Variants in AMPH observed in about 807,000 individuals in gnomAD.
AMPH encodes amphiphysin, also known as amphiphysin (Stiff-Mann syndrome with breast cancer 128kD autoantigen).
In AMPH, 49 loss-of-function variants were observed where a neutral mutation model predicts 99.1. The observed-to-expected ratio is 0.49, with a 90% CI of 0.39 to 0.63. The LOEUF (loss-of-function observed/expected upper bound fraction) is 0.63, where lower values mean the gene tolerates loss of function less well. Among genes scored for constraint, AMPH ranks in the 20% least tolerant of loss-of-function variants. The probability of loss-of-function intolerance (pLI) is 0.00; values close to 1 mark genes in which losing one functional copy is unlikely to be tolerated. For missense variants in AMPH, 759 were observed against 863.4 expected (o/e 0.88, Z 1.52); for synonymous variants, 314 against 317.3 (o/e 0.99, Z 0.11).
At chr7:38,612,286 G>A (rs1793714674) in intron 1 of AMPH, among the ~76,000 whole-genome samples, 2 of 152,026 alleles carry the variant, frequency 1.3e-5, no homozygotes, top group South Asian at 4.2e-4. Context: ...ATGTTGGTCA[G>A]GCTGGTCTTG....
intron 1 of AMPH, among the ~76,000 whole-genome samples, chr7:38,588,878 T>C (rs1292013511): frequency 2.0e-5 from 3 of 152,176 alleles, no homozygotes; most frequent in African/African-American, 4.8e-5. Context: ...TAAAAATTAA[T>C]TGAATACTTA....
rs1482639915 is a variant in AMPH, at chr7:38,469,143, G to T, written c.591-2895C>A. 3.0e-3 allele frequency among the ~76,000 whole-genome samples: 138 copies of T among 46,506 alleles called. 14 individuals carry two copies. The highest frequency in any genetic ancestry group is 0.016 in the African/African-American group (137 of 8,818). 30.5% of individuals were successfully genotyped at this position (46,506 alleles called of 152,430 possible). A position where few individuals can be genotyped will look rare whatever the true frequency, so the allele number is the denominator to read the frequency against. Reference sequence around the variant, plus strand: ...CACTCCAGCCTGGGCGACAGAGCGAGACTCCGCCTCAAAAAAAAAAAAAAA... The same window carrying T: ...CACTCCAGCCTGGGCGACAGAGCGATACTCCGCCTCAAAAAAAAAAAAAAA... On this transcript the variant is annotated intron_variant, in intron 7 of 20. Coordinates refer to ENST00000356264, the MANE Select transcript of AMPH (RefSeq NM_001635.4).
chr7:38,479,321 C>A lies in AMPH; in HGVS notation c.397-2352G>T, dbSNP rs376409127. On this transcript the variant is annotated intron_variant, in intron 5 of 20. Transcript: ENST00000356264. ...ATAAAAGTTAAAAGAAATCTGCCAA[C>A]TCAGAATTCCACACCCAATGAAAAT... Among the ~76,000 whole-genome samples the A allele has an allele frequency of 8.0e-5, 12 of 150,680 alleles. No individual in the cohort carries two copies. In the East Asian group the frequency reaches 1.8e-3, roughly 22 times the overall value.
chr7:38,462,905 A>T lies in AMPH; in HGVS notation c.888+70T>A, dbSNP rs940300549. On this transcript the variant is annotated intron_variant, in intron 10 of 20. Coordinates refer to ENST00000356264, the MANE Select transcript of AMPH (RefSeq NM_001635.4). Reference sequence around the variant, plus strand: ...TCTCTTAAAGCCCCGGCACCGTGGGATTATCCTAGATGGGGCCACCTTCAT... The same window carrying T: ...TCTCTTAAAGCCCCGGCACCGTGGGTTTATCCTAGATGGGGCCACCTTCAT... 5 of 1,456,996 alleles carry T rather than the reference A, an allele frequency of 3.4e-6. No homozygotes were observed. The Middle Eastern group carries it at 7.9e-4, about 229-fold the overall frequency. The allele number at this position is 1,456,996 out of a possible 1,614,324, so 90.3% of individuals were successfully genotyped here. A position where few individuals can be genotyped will look rare whatever the true frequency, so the allele number is the denominator to read the frequency against.
intron 6 of AMPH, 65 bp from the exon 7 acceptor site, chr7:38,475,481 T>A: frequency 9.3e-7 from 1 of 1,069,914 alleles, no homozygotes; most frequent in Non-Finnish European, 1.4e-6. Flanking sequence ...ACAGCATCAT[T>A]TAATGTAAAA....
intron 2 of AMPH, among the ~76,000 whole-genome samples, chr7:38,517,776 T>A (rs113641469): frequency 6.6e-6 from 1 of 152,152 alleles, no homozygotes; most frequent in Non-Finnish European, 1.5e-5. Context: ...AGCCTGACTA[T>A]GTAAAGAATA....
At chr7:38,610,425 G>A (rs1793642787) in intron 1 of AMPH, among the ~76,000 whole-genome samples, 1 of 149,506 alleles carries the variant, frequency 6.7e-6, no homozygotes, top group African/African-American at 2.5e-5. Context: ...GAAACTCAGT[G>A]AGTTACAGAA....
chr7:38,566,738 A>T (rs1791759197), intron 1 of AMPH, among the ~76,000 whole-genome samples: 1 of 152,228 alleles, frequency 6.6e-6, no homozygotes, highest in African/African-American at 2.4e-5. Context: ...GGATATGAAC[A>T]GACACTTCTC....
chr7:38,428,911 C>T (rs910635647), intron 14 of AMPH: 21 of 900,612 alleles, frequency 2.3e-5, no homozygotes, highest in Non-Finnish European at 3.2e-5. Flanking sequence ...CTAGTTTCCA[C>T]TTCATTAATT....
At chr7:38,452,299 A>T (rs575940124) in intron 11 of AMPH, among the ~76,000 whole-genome samples, 1 of 152,260 alleles carries the variant, frequency 6.6e-6, no homozygotes, top group Non-Finnish European at 1.5e-5. Flanking sequence ...TAGACGGATC[A>T]TCCTATATTG....
chr7:38,410,632 G>A (rs1260892140), intron 17 of AMPH, among the ~76,000 whole-genome samples: 1 of 152,202 alleles, frequency 6.6e-6, no homozygotes, highest in Non-Finnish European at 1.5e-5. Context: ...TTTTGGGGGA[G>A]CAGGAAGAGG....
rs368293798 is a variant in AMPH, at chr7:38,384,805, A to T, written c.*13T>A. On this transcript the variant is annotated 3_prime_UTR_variant, in exon 21 of 21. Coordinates refer to ENST00000356264, the MANE Select transcript of AMPH (RefSeq NM_001635.4). Reference sequence around the variant, plus strand: ...ACCCCGTAACTGAGCTCCTTCTTGCAGTACTTGTTGCCCTAATCTAAGCGT... The same window carrying T: ...ACCCCGTAACTGAGCTCCTTCTTGCTGTACTTGTTGCCCTAATCTAAGCGT... 4 of 1,608,836 alleles carry T rather than the reference A, an allele frequency of 2.5e-6. No individual in the cohort carries two copies.
chr7:38,471,849 CA>C (rs1412445418), intron 7 of AMPH, among the ~76,000 whole-genome samples: 1 of 152,016 alleles, frequency 6.6e-6, no homozygotes, highest in East Asian at 1.9e-4. Flanking sequence ...ATAGTAATAT[CA>C]GACAAAATAG....
intron 5 of AMPH, among the ~76,000 whole-genome samples, chr7:38,478,840 T>C (rs1396852733): frequency 1.3e-5 from 2 of 152,048 alleles, no homozygotes; most frequent in African/African-American, 2.4e-5. Flanking sequence ...ATTGATTCAG[T>C]GGGCCCATTA....
At chr7:38,559,230 G>A (rs112802891) in intron 1 of AMPH, among the ~76,000 whole-genome samples, 4 of 152,312 alleles carry the variant, frequency 2.6e-5, no homozygotes, top group South Asian at 2.1e-4. Flanking sequence ...TTACCCAGCC[G>A]TATTACTTCA....
intron 1 of AMPH, among the ~76,000 whole-genome samples, chr7:38,545,372 T>G (rs1790958011): frequency 6.6e-6 from 1 of 152,114 alleles, no homozygotes; most frequent in Non-Finnish European, 1.5e-5. Context: ...TTTTTCCCCC[T>G]TAAGGTTTAT....
chr7:38,476,427 A>G (rs1788088152), intron 6 of AMPH, among the ~76,000 whole-genome samples: 1 of 152,222 alleles, frequency 6.6e-6, no homozygotes. Context: ...GCTGACATAC[A>G]TGGTGAAAGC....
intron 1 of AMPH, among the ~76,000 whole-genome samples, chr7:38,589,965 G>A (rs188688793): frequency 2.8e-4 from 42 of 152,266 alleles, no homozygotes; most frequent in Admixed American, 3.9e-4. Flanking sequence ...CTTGTTGCTC[G>A]AAATAAAATT....
intron 1 of AMPH, among the ~76,000 whole-genome samples, chr7:38,540,122 C>A (rs1790756561): frequency 6.6e-6 from 1 of 152,180 alleles, no homozygotes. Context: ...ATTTTGACAT[C>A]AACATGACAC....
Sources: allele counts gnomAD v4.1 joint callset (sites outside exome capture counted in the v4.1 genomes callset), GRCh38; gene constraint gnomAD v4.1.1; transcripts MANE v1.5; gene names NCBI Gene and HGNC (gene_info 2026-07-23, HGNC 2026-07-21).